Variants in KLHL14 observed in about 807,000 individuals in gnomAD.
The protein encoded by KLHL14 is kelch-like protein 14.
In KLHL14, 22 loss-of-function variants were observed where a neutral mutation model predicts 64.3. The ratio of observed to expected loss-of-function variants is 0.34; its 90% CI spans 0.24 to 0.49. KLHL14 has a LOEUF of 0.49. Ranked by LOEUF, KLHL14 falls within the 20% of genes least tolerant of loss-of-function variation. The pLI is 0.99. For synonymous variants in KLHL14, 322 were observed against 333.4 expected, an observed-to-expected ratio of 0.97 and a Z score of 0.37; for missense variants, 661 against 789.0, an observed-to-expected ratio of 0.84 and a Z score of 1.94.
chr18:32,709,256 C>T (rs531746292), intron 3 of KLHL14, among the ~76,000 whole-genome samples: 14 of 152,244 alleles, frequency 9.2e-5, no homozygotes, highest in African/African-American at 2.9e-4. Context: ...TGTGTCAGGC[C>T]TTTGCATCTG....
chr18:32,749,557 C>T (rs2050241262), intron 2 of KLHL14, among the ~76,000 whole-genome samples: 2 of 152,054 alleles, frequency 1.3e-5, no homozygotes, highest in Non-Finnish European at 2.9e-5. Context: ...AATGAAAGGC[C>T]CTTTGTGCTG....
At chr18:32,735,952 A>T (rs559057174) in intron 3 of KLHL14, among the ~76,000 whole-genome samples, 5 of 152,304 alleles carry the variant, frequency 3.3e-5, no homozygotes, top group African/African-American at 1.2e-4. Flanking sequence ...GATTTGCCAG[A>T]CTTAGTCTGT....
At chr18:32,682,922 T>TA (rs2049849911) in intron 5 of KLHL14, among the ~76,000 whole-genome samples, 1 of 152,192 alleles carries the variant, frequency 6.6e-6, no homozygotes, top group African/African-American at 2.4e-5. Context: ...ATTTCACTAA[T>TA]GGGCCATCTT....
At chr18:32,689,343 A>G (rs938707347) in intron 4 of KLHL14, among the ~76,000 whole-genome samples, 9 of 152,210 alleles carry the variant, frequency 5.9e-5, no homozygotes, top group African/African-American at 2.2e-4. Context: ...AGCAAAACCA[A>G]CATAGGAAAA....
chr18:32,765,744 A>G (rs1202775706), intron 2 of KLHL14, among the ~76,000 whole-genome samples: 2 of 152,154 alleles, frequency 1.3e-5, no homozygotes, highest in Non-Finnish European at 2.9e-5. Flanking sequence ...TCAAAACTGT[A>G]TATTAGGAAA....
At chr18:32,747,356 T>C (rs1005587420) in intron 2 of KLHL14, among the ~76,000 whole-genome samples, 1 of 152,196 alleles carries the variant, frequency 6.6e-6, no homozygotes, top group African/African-American at 2.4e-5. Flanking sequence ...AATAAAACAA[T>C]TATACAACTC....
chr18:32,770,044 A>C lies in KLHL14; in HGVS notation c.548T>G (p.Val183Gly). 1 of 1,614,086 alleles carries C rather than the reference A, an allele frequency of 6.2e-7. No homozygotes were observed. The highest frequency in any genetic ancestry group is 1.6e-4 in the Middle Eastern group (1 of 6,062). Reference protein sequence around the residue: ...CVQFLNDQISVQNYKQVCKIA... With the variant: ...CVQFLNDQISGQNYKQVCKIA... Reference sequence around the variant, plus strand: ...CTTGCACACCTGCTTGTAGTTCTGCACCGAGATCTGGTCGTTGAGGAACTG... The same window carrying C: ...CTTGCACACCTGCTTGTAGTTCTGCCCCGAGATCTGGTCGTTGAGGAACTG... Residue 183 changes from valine (V) to glycine (G), a missense_variant, in exon 2 of 9, where the codon GTG (valine) becomes GGG (glycine). Val to Gly is a moderately radical substitution (Grantham distance 109, BLOSUM62 -3). Around this residue, in one of 2 missense-constraint regions of KLHL14, gnomAD observed 331 missense variants for 339.0 expected, o/e 0.98. Coordinates refer to ENST00000359358, the MANE Select transcript of KLHL14 (RefSeq NM_020805.3). This position sits in a 1 kb window ranked among gnomAD's most constrained non-coding sequence, Gnocchi z 6.7.
At chr18:32,759,243 A>T (rs764370749) in intron 2 of KLHL14, among the ~76,000 whole-genome samples, 3 of 152,198 alleles carry the variant, frequency 2.0e-5, no homozygotes, top group African/African-American at 7.2e-5. Context: ...AGGTGGATAA[A>T]ATGAACATCC....
intron 3 of KLHL14, among the ~76,000 whole-genome samples, chr18:32,698,006 C>T (rs2049945148): frequency 6.6e-6 from 1 of 151,874 alleles, no homozygotes; most frequent in Non-Finnish European, 1.5e-5. Flanking sequence ...ATAAATATAC[C>T]CAAATGCTCT....
intron 2 of KLHL14, among the ~76,000 whole-genome samples, chr18:32,764,941 GAA>G (rs2050332902): frequency 6.6e-6 from 1 of 151,962 alleles, no homozygotes; most frequent in Admixed American, 6.6e-5. Context: ...CTTTTTAAAA[GAA>G]AAGTCTTAAG....
At chr18:32,713,992 A>G (rs184114240) in intron 3 of KLHL14, among the ~76,000 whole-genome samples, 4 of 152,254 alleles carry the variant, frequency 2.6e-5, no homozygotes, top group Admixed American at 2.6e-4. Flanking sequence ...ATAAATAAAC[A>G]TATTTTTGCA....
Position 32,770,663 on chromosome 18 carries a change from G to T in KLHL14, c.-43-29C>A. ...GCAGACAGGGGTGGGGGATGGGAGGGAGGGGAGCAGGGTGGTGGAGCGGGT... is the reference window on the plus strand; with the variant it reads ...GCAGACAGGGGTGGGGGATGGGAGGTAGGGGAGCAGGGTGGTGGAGCGGGT... On this transcript the variant is annotated intron_variant, in intron 1 of 8. Coordinates refer to ENST00000359358, the MANE Select transcript of KLHL14 (RefSeq NM_020805.3). This position sits in a 1 kb window ranked among gnomAD's most constrained non-coding sequence, Gnocchi z 6.7. The T allele has an allele frequency of 1.3e-5, 7 of 540,610 alleles. No homozygotes were observed. The highest frequency in any genetic ancestry group is 2.1e-5 in the Non-Finnish European group (7 of 328,520). 33.5% of individuals were successfully genotyped at this position (540,610 alleles called of 1,614,324 possible).
intron 3 of KLHL14, among the ~76,000 whole-genome samples, chr18:32,721,026 AATGAG>A (rs2050076976): frequency 6.6e-6 from 1 of 152,230 alleles, no homozygotes. Flanking sequence ...ATGGGAGAAT[AATGAG>A]ATGGCAAAGT....
chr18:32,733,089 G>A (rs778736428), intron 3 of KLHL14, among the ~76,000 whole-genome samples: 2 of 152,126 alleles, frequency 1.3e-5, no homozygotes, highest in African/African-American at 4.8e-5. Context: ...GAAATCTAGG[G>A]TGTGTAGCCT....
rs569840558 is a variant in KLHL14, at chr18:32,770,298, C to T, written c.294G>A (p.Pro98=). ...GAGTCCCGGGCTCCTCCTGCGGCGG[C>T]GGCTGCTGCTGCTGTGACGGCTGCT... ...PQQQPSQQQQ[P]PPQEEPGTPS... Residue 98 remains proline (P), a synonymous_variant, in exon 2 of 9, where the codon CCG becomes CCA. Coordinates refer to ENST00000359358, the MANE Select transcript of KLHL14 (RefSeq NM_020805.3). The surrounding 1 kb of genome is among the most constrained non-coding windows in gnomAD (Gnocchi z 6.7). The T allele has an allele frequency of 1.8e-5, 28 of 1,586,438 alleles. No individual in the cohort carries two copies. The highest frequency in any genetic ancestry group is 1.7e-4 in the Admixed American group (10 of 58,212).
chr18:32,681,771 G>A (rs917915134), intron 5 of KLHL14, among the ~76,000 whole-genome samples: 1 of 152,172 alleles, frequency 6.6e-6, no homozygotes, highest in Non-Finnish European at 1.5e-5. Flanking sequence ...TCAAGTAAAT[G>A]TATGTTGCTT....
intron 2 of KLHL14, among the ~76,000 whole-genome samples, chr18:32,764,374 A>G (rs888995092): frequency 1.3e-5 from 2 of 152,176 alleles, no homozygotes; most frequent in African/African-American, 4.8e-5. Context: ...TATTCTGGAT[A>G]AATTAACTTC....
intron 3 of KLHL14, chr18:32,734,233 T>A (rs1285912399): frequency 1.4e-6 from 1 of 702,798 alleles, no homozygotes; most frequent in East Asian, 2.7e-5. Context: ...TGAAATGGGG[T>A]GTGGTCCTGT....
chr18:32,705,150 A>T (rs900377254), intron 3 of KLHL14, among the ~76,000 whole-genome samples: 3 of 152,354 alleles, frequency 2.0e-5, no homozygotes, highest in East Asian at 3.9e-4. Context: ...AGCTTAATTT[A>T]AAAAAATGAA....
Sources: gnomAD v4.1 joint callset for allele counts (sites outside exome capture counted in the v4.1 genomes callset) on GRCh38, gnomAD v4.1.1 for gene constraint, gnomAD v4.1.1 regional missense constraint, Gnocchi (gnomAD v3.1) non-coding constraint, MANE v1.5 for transcripts, NCBI Gene and HGNC (gene_info 2026-07-23, HGNC 2026-07-21) for gene names.